PCDHGA11: variants seen among roughly 807,000 people sequenced by gnomAD.
The protein encoded by PCDHGA11 is protocadherin gamma subfamily A, 11.
Under a neutral mutation model 60.4 loss-of-function variants are expected in PCDHGA11, and 39 were observed. That is an observed-to-expected ratio of 0.65 (90% confidence interval 0.50 to 0.84). PCDHGA11 has a LOEUF of 0.84. PCDHGA11 is among the 40% of genes least tolerant of loss of function. PCDHGA11 has a pLI of 0.00. For synonymous variants in PCDHGA11, 533 were observed against 510.3 expected (o/e 1.04, Z -0.60); for missense variants, 1,165 against 1,197.7 (o/e 0.97, Z 0.40).
Position 141,491,895 on chromosome 5 carries a change from A to G in PCDHGA11, c.2434-2912A>G. On this transcript the variant is annotated intron_variant, in intron 1 of 3. Transcript: ENST00000398587. This position sits in a 1 kb window ranked among gnomAD's most constrained non-coding sequence, Gnocchi z 6.9. Reference sequence around the variant, plus strand: ...CCGATTAAGGGATGGGGCTCCGAGCACCGGGGGTGGTGGCGACTGTGGGCG... The same window carrying G: ...CCGATTAAGGGATGGGGCTCCGAGCGCCGGGGGTGGTGGCGACTGTGGGCG... 7.0e-7 allele frequency: 1 copy of G among 1,434,306 alleles called. No homozygotes were observed. The highest frequency in any genetic ancestry group is 9.2e-7 in the Non-Finnish European group (1 of 1,084,904). 88.8% of individuals were successfully genotyped at this position (1,434,306 alleles called of 1,614,324 possible). A position where few individuals can be genotyped will look rare whatever the true frequency, so the allele number is the denominator to read the frequency against.
At chr5:141,508,662 T>G (rs2099870759) in intron 3 of PCDHGA11, among the ~76,000 whole-genome samples, 1 of 152,122 alleles carries the variant, frequency 6.6e-6, no homozygotes, top group Non-Finnish European at 1.5e-5. Context: ...CCTGTCATTC[T>G]GTCTCTGCCT....
In PCDHGA11 at chr5:141,421,585, G is replaced by A; in HGVS notation, c.358G>A (p.Val120Met). ...LVEDTLKIYGVEVEIIDINDN... is the reference protein window; with the variant it reads ...LVEDTLKIYGMEVEIIDINDN... ...GGAAGACACCTTGAAGATTTACGGA[G>A]TGGAGGTGGAAATAATAGATATTAA... Residue 120 changes from valine to methionine, a missense_variant, in exon 1 of 4, where the codon GTG becomes ATG. By Grantham distance (21) the Val-to-Met change is conservative. Transcript: ENST00000398587. 1.2e-6 allele frequency: 2 copies of A among 1,613,916 alleles called. No homozygotes were observed. The highest frequency in any genetic ancestry group is 1.7e-6 in the Non-Finnish European group (2 of 1,179,842).
intron 1 of PCDHGA11, among the ~76,000 whole-genome samples, chr5:141,445,924 A>G (rs1451439271): frequency 6.6e-6 from 1 of 152,184 alleles, no homozygotes; most frequent in Non-Finnish European, 1.5e-5. Flanking sequence ...GTGACAAGAT[A>G]TTTGAATTAT....
At position 141,432,156 on chromosome 5, in the gene PCDHGA11, C is replaced by A; in HGVS notation, c.2433+8496C>A. On this transcript the variant is annotated intron_variant, in intron 1 of 3. Transcript: ENST00000398587. This position sits in a 1 kb window ranked among gnomAD's most constrained non-coding sequence, Gnocchi z 6.0. Reference sequence around the variant, plus strand: ...TCCGCTTATATCCCAGAGAACAATCCCAGAGGAGTTTCCCTCGTCTCTGTG... The same window carrying A: ...TCCGCTTATATCCCAGAGAACAATCACAGAGGAGTTTCCCTCGTCTCTGTG... The A allele has an allele frequency of 6.2e-7, 1 of 1,614,142 alleles. No homozygotes were observed. Among genetic ancestry groups the A allele is most frequent in the East Asian group, 2.2e-5 (1 of 44,874 alleles).
At chr5:141,475,500 T>C (rs1393586791) in intron 1 of PCDHGA11, among the ~76,000 whole-genome samples, 1 of 152,248 alleles carries the variant, frequency 6.6e-6, no homozygotes, top group East Asian at 1.9e-4. Flanking sequence ...ACTGAAATTA[T>C]TAATGTCTCC....
chr5:141,445,537 G>A (rs1266179512), intron 1 of PCDHGA11, among the ~76,000 whole-genome samples: 1 of 152,182 alleles, frequency 6.6e-6, no homozygotes, highest in African/African-American at 2.4e-5. Flanking sequence ...AAGCCAACAA[G>A]GAGAAATACA....
At chr5:141,423,694 T>A in intron 1 of PCDHGA11, 34 bp downstream of exon 1, 1 of 1,501,554 alleles carries the variant, frequency 6.7e-7, no homozygotes, top group Non-Finnish European at 8.9e-7. Context: ...TAATTGTTGG[T>A]GTCTTGGCAC....
In PCDHGA11 at chr5:141,486,518, A is replaced by G; in HGVS notation, c.2434-8289A>G. The G allele has an allele frequency of 6.2e-7, 1 of 1,614,132 alleles. No homozygotes were observed. Among genetic ancestry groups the G allele is most frequent in the Non-Finnish European group, 8.5e-7 (1 of 1,179,996 alleles). On this transcript the variant is annotated intron_variant, in intron 1 of 3. Coordinates refer to ENST00000398587, the MANE Select transcript of PCDHGA11 (RefSeq NM_018914.3). The surrounding 1 kb of genome is among the most constrained non-coding windows in gnomAD (Gnocchi z 5.0). ...TATTTTCCTCAATATTTCAGATGTG[A>G]ATGATAATCCACCCTCTTTCTTTCA...
chr5:141,478,465 C>T (rs768021356), intron 1 of PCDHGA11: 6 of 1,613,730 alleles, frequency 3.7e-6, no homozygotes, highest in Non-Finnish European at 5.1e-6. Context: ...GTCCACTGGC[C>T]AGCCGCCAGA....
chr5:141,424,149 G>T, intron 1 of PCDHGA11: 1 of 324,612 alleles, frequency 3.1e-6, no homozygotes. Flanking sequence ...GCTCCCTCTA[G>T]CTCTCCTTCT....
At chr5:141,428,010 G>A in intron 1 of PCDHGA11, 1 of 1,603,006 alleles carries the variant, frequency 6.2e-7, no homozygotes, top group Non-Finnish European at 8.5e-7. Flanking sequence ...CTTCGATATA[G>A]TGCCACGCGC....
At chr5:141,429,297 T>C (rs985228754) in intron 1 of PCDHGA11, 7 of 152,208 alleles carry the variant, frequency 4.6e-5, no homozygotes, top group Admixed American at 3.3e-4. Flanking sequence ...GGGACATCAA[T>C]ATTTGAGTAT....
At chr5:141,450,033 G>T (rs1377962229) in intron 1 of PCDHGA11, among the ~76,000 whole-genome samples, 2 of 131,450 alleles carry the variant, frequency 1.5e-5, no homozygotes, top group Admixed American at 8.4e-5. Flanking sequence ...TTGAGACAGG[G>T]TCTCACTCTT....
chr5:141,472,838 T>C (rs1457889821), intron 1 of PCDHGA11, among the ~76,000 whole-genome samples: 1 of 151,464 alleles, frequency 6.6e-6, no homozygotes, highest in Non-Finnish European at 1.5e-5. Context: ...AATAGAAAAT[T>C]AGCTGGGCAT....
At chr5:141,501,290 TACACACACACACACACAC>T (rs55762287) in intron 2 of PCDHGA11, among the ~76,000 whole-genome samples, 6 of 136,162 alleles carry the variant, frequency 4.4e-5, no homozygotes, top group South Asian at 2.4e-4. Flanking sequence ...TATTCCCTTA[TACACACACACACACACAC>T]ACACACACAC....
chr5:141,438,601 T>C (rs2098005462), intron 1 of PCDHGA11, among the ~76,000 whole-genome samples: 6 of 26,284 alleles, frequency 2.3e-4, no homozygotes, highest in African/African-American at 1.3e-3. Flanking sequence ...CATATATATA[T>C]ATATATATAT....
At chr5:141,445,612 CT>C (rs996122021) in intron 1 of PCDHGA11, among the ~76,000 whole-genome samples, 1 of 151,994 alleles carries the variant, frequency 6.6e-6, no homozygotes, top group Non-Finnish European at 1.5e-5. Flanking sequence ...GGAAGGCTTT[CT>C]TTTTTTCGGA....
At chr5:141,472,003 A>T (rs1450802255) in intron 1 of PCDHGA11, among the ~76,000 whole-genome samples, 1 of 152,176 alleles carries the variant, frequency 6.6e-6, no homozygotes, top group Non-Finnish European at 1.5e-5. Context: ...CCTGCATCGT[A>T]TAGGGGCACT....
intron 1 of PCDHGA11, among the ~76,000 whole-genome samples, chr5:141,463,726 A>G (rs6888081): frequency 0.29 from 44,573 of 151,836 alleles, 7,596 homozygotes; most frequent in African/African-American, 0.48. Flanking sequence ...GATTACAGGC[A>G]TGAGCCACCG....
Sources: gnomAD v4.1 joint callset for allele counts (sites outside exome capture counted in the v4.1 genomes callset) on GRCh38, gnomAD v4.1.1 for gene constraint, Gnocchi (gnomAD v3.1) non-coding constraint, MANE v1.5 for transcripts, NCBI Gene and HGNC (gene_info 2026-07-23, HGNC 2026-07-21) for gene names.